Variants in MAGI2 observed in about 807,000 individuals in gnomAD.
MAGI2 encodes membrane associated guanylate kinase, WW and PDZ domain containing 2.
In MAGI2, 35 loss-of-function variants were observed where a neutral mutation model predicts 133.3. The observed-to-expected ratio is 0.26, with a 90% CI of 0.20 to 0.35. MAGI2 has a LOEUF of 0.35. Ranked by LOEUF, MAGI2 falls within the 10% of genes least tolerant of loss-of-function variation. The probability of loss-of-function intolerance (pLI) is 1.00; values close to 1 mark genes in which losing one functional copy is unlikely to be tolerated. For synonymous variants in MAGI2, 729 were observed against 710.6 expected, an observed-to-expected ratio of 1.03 and a Z score of -0.41; for missense variants, 1,636 against 1,863.4, an observed-to-expected ratio of 0.88 and a Z score of 2.25.
chr7:79,439,308 A>C (rs563416025), intron 1 of MAGI2, among the ~76,000 whole-genome samples: 3 of 152,168 alleles, frequency 2.0e-5, no homozygotes, highest in Admixed American at 1.3e-4. Context: ...AAACATTTCC[A>C]CCTGTCCTAT....
intron 1 of MAGI2, among the ~76,000 whole-genome samples, chr7:79,185,516 ATTTTTTT>A (rs71095383): frequency 7.9e-5 from 10 of 126,594 alleles, no homozygotes; most frequent in South Asian, 2.5e-4. Flanking sequence ...CAATTTGGTC[ATTTTTTT>A]TTTTTTTTTT....
intron 1 of MAGI2, among the ~76,000 whole-genome samples, chr7:79,290,574 T>C (rs1262216331): frequency 2.0e-5 from 3 of 152,054 alleles, no homozygotes; most frequent in Non-Finnish European, 4.4e-5. Flanking sequence ...CCCTCATTTT[T>C]TTTTCTGGCT....
intron 6 of MAGI2, among the ~76,000 whole-genome samples, chr7:78,446,271 G>A (rs1283993466): frequency 6.6e-6 from 1 of 152,020 alleles, no homozygotes; most frequent in Non-Finnish European, 1.5e-5. Context: ...TACTTCAGTA[G>A]ATGTTCTCAA....
intron 1 of MAGI2, among the ~76,000 whole-genome samples, chr7:79,335,892 A>G (rs529922178): frequency 6.6e-6 from 1 of 152,220 alleles, no homozygotes; most frequent in East Asian, 1.9e-4. Context: ...ATATTTAAAT[A>G]TAATGACTTA....
rs1026513033 is a variant in MAGI2 at position 79,179,247 on chromosome 7, G to A, written c.302-172041C>T. Among the ~76,000 whole-genome samples, 89 of 151,844 alleles carry A rather than the reference G, an allele frequency of 5.9e-4. 1 individual carries two copies. The highest frequency in any genetic ancestry group is 2.1e-3 in the African/African-American group (87 of 41,308). ...GTTGTTAAAAATTGTGAAAATTTAT[G>A]TTCAGCAAAATTCACTATTTTCATA... On this transcript the variant is annotated intron_variant, in intron 1 of 21. Transcript: ENST00000354212.
At chr7:78,431,473 G>A (rs1799791165) in intron 6 of MAGI2, among the ~76,000 whole-genome samples, 1 of 152,052 alleles carries the variant, frequency 6.6e-6, no homozygotes. Flanking sequence ...ACTATTTCTT[G>A]GGTATTTTAT....
intron 20 of MAGI2, among the ~76,000 whole-genome samples, chr7:78,105,817 T>C (rs536829996): frequency 1.3e-5 from 2 of 152,274 alleles, no homozygotes; most frequent in African/African-American, 4.8e-5. Context: ...TCAGAGTAAT[T>C]GGGGTATCAA....
In MAGI2 at chr7:78,363,469, G is replaced by C. The variant is rs377026412; in HGVS notation, c.1103+5687C>G. ...GATCGCGCCACTGCACTCCAGCCTC[G>C]GTGACAGACCAAGACTCCATCTCGA... On this transcript the variant is annotated intron_variant, in intron 7 of 21. Transcript: ENST00000354212. 5.4e-4 allele frequency among the ~76,000 whole-genome samples: 74 copies of C among 138,002 alleles called. 2 individuals carry two copies. The South Asian group carries it at 0.017, about 33-fold the overall frequency. The allele number at this position is 138,002 out of a possible 152,430, so 90.5% of individuals were successfully genotyped here.
chr7:78,034,855 C>T (rs902302402), intron 21 of MAGI2: 1 of 152,206 alleles, frequency 6.6e-6, no homozygotes, highest in African/African-American at 2.4e-5. Context: ...TACACCCAAA[C>T]TAAGCTTTTC....
At chr7:78,155,090 T>A (rs1824258968) in intron 16 of MAGI2, among the ~76,000 whole-genome samples, 1 of 152,244 alleles carries the variant, frequency 6.6e-6, no homozygotes. Context: ...CAATTTTCTA[T>A]GCTTAACAAT....
At chr7:78,272,930 G>C (rs1794727545) in intron 9 of MAGI2, among the ~76,000 whole-genome samples, 2 of 152,120 alleles carry the variant, frequency 1.3e-5, no homozygotes, top group Admixed American at 1.3e-4. Flanking sequence ...GGAGCATGTA[G>C]TTCGTTTACA....
chr7:78,985,016 A>G (rs1372740603), intron 2 of MAGI2, among the ~76,000 whole-genome samples: 1 of 149,360 alleles, frequency 6.7e-6, no homozygotes, highest in African/African-American at 2.5e-5. Context: ...TTTTTTATTT[A>G]AATGAGTTTG....
In MAGI2 at chr7:78,296,121, T is replaced by C. The variant is rs147603692; in HGVS notation, c.1409-39540A>G. On this transcript the variant is annotated intron_variant, in intron 9 of 21. Coordinates refer to ENST00000354212, the MANE Select transcript of MAGI2 (RefSeq NM_012301.4). ...TTCTACTCTTGCCCCAGAGAGTCCA[T>C]TGTCAATCAGAGTATTACAAACCAG... 3.5e-3 allele frequency among the ~76,000 whole-genome samples: 535 copies of C among 152,280 alleles called. 4 individuals are homozygous for C. Among genetic ancestry groups the C allele is most frequent in the African/African-American group, 0.012 (497 of 41,566 alleles).
intron 1 of MAGI2, among the ~76,000 whole-genome samples, chr7:79,300,715 G>C (rs1444522685): frequency 1.3e-5 from 2 of 152,164 alleles, no homozygotes; most frequent in African/African-American, 4.8e-5. Context: ...AATTCAAAAG[G>C]AGCCAAGTGT....
At chr7:78,629,465 C>T (rs1424263388) in intron 2 of MAGI2, among the ~76,000 whole-genome samples, 1 of 152,074 alleles carries the variant, frequency 6.6e-6, no homozygotes, top group African/African-American at 2.4e-5. Context: ...CCCTGATGTT[C>T]CCCAAATCTG....
At chr7:78,197,527 C>T (rs990382458) in intron 11 of MAGI2, among the ~76,000 whole-genome samples, 12 of 152,072 alleles carry the variant, frequency 7.9e-5, no homozygotes, top group Admixed American at 2.6e-4. Flanking sequence ...ATTGGTATTT[C>T]TAAAAAACAA....
chr7:78,068,760 T>G (rs1814125744), intron 21 of MAGI2, among the ~76,000 whole-genome samples: 1 of 152,174 alleles, frequency 6.6e-6, no homozygotes, highest in African/African-American at 2.4e-5. Context: ...AGTGATGCCT[T>G]GGAGACTGGA....
chr7:79,063,816 A>T (rs1814027898), intron 1 of MAGI2, among the ~76,000 whole-genome samples: 1 of 152,114 alleles, frequency 6.6e-6, no homozygotes, highest in Admixed American at 6.6e-5. Flanking sequence ...AACAGACTAG[A>T]TCTACTTCAA....
intron 1 of MAGI2, among the ~76,000 whole-genome samples, chr7:79,008,495 G>A (rs950441544): frequency 6.6e-6 from 1 of 152,070 alleles, no homozygotes; most frequent in South Asian, 2.1e-4. Flanking sequence ...TGAATTAACT[G>A]TCAAAATTCT....
Sources: allele counts gnomAD v4.1 joint callset (sites outside exome capture counted in the v4.1 genomes callset), GRCh38; gene constraint gnomAD v4.1.1; transcripts MANE v1.5; gene names NCBI Gene and HGNC (gene_info 2026-07-23, HGNC 2026-07-21).